The following RALYL variants were observed in gnomAD, a reference collection of about 807,000 sequenced individuals.
RALYL encodes the protein RALY RNA binding protein like, also known as RNA-binding Raly-like protein.
RALYL carries 29 observed loss-of-function variants against 35.1 expected under a neutral mutation model. That is an observed-to-expected ratio of 0.83 (90% CI 0.61 to 1.13). The LOEUF is 1.13. RALYL is among the 50% of genes most tolerant of loss of function. RALYL has a pLI of 0.00. For missense variants in RALYL, 359 were observed against 360.4 expected (o/e 1.00, Z 0.03); for synonymous variants, 120 against 127.6 (o/e 0.94, Z 0.40).
At chr8:84,897,176 G>A (rs1488048161) in intron 8 of RALYL, among the ~76,000 whole-genome samples, 1 of 152,072 alleles carries the variant, frequency 6.6e-6, no homozygotes, top group African/African-American at 2.4e-5. Context: ...TATAATGCAT[G>A]GACTGCACTT....
At chr8:84,506,437 G>A (rs1172395714) in intron 1 of RALYL, among the ~76,000 whole-genome samples, 1 of 151,820 alleles carries the variant, frequency 6.6e-6, no homozygotes, top group Non-Finnish European at 1.5e-5. Flanking sequence ...TTTGCTTTCT[G>A]TAATATAATT....
chr8:84,474,900 G>T (rs576146643), intron 1 of RALYL, among the ~76,000 whole-genome samples: 436 of 69,564 alleles, frequency 6.3e-3, no homozygotes, highest in Middle Eastern at 0.013. Flanking sequence ...CACCCTTTTT[G>T]GTTTGTTTGT....
intron 3 of RALYL, among the ~76,000 whole-genome samples, chr8:84,782,023 AC>A (rs1818286651): frequency 1.2e-5 from 1 of 83,920 alleles, no homozygotes; most frequent in Non-Finnish European, 2.4e-5. Context: ...CATGCTGTGC[AC>A]ACGCGCGCAC....
At chr8:84,452,546 A>G (rs190732419) in intron 1 of RALYL, among the ~76,000 whole-genome samples, 1 of 151,906 alleles carries the variant, frequency 6.6e-6, no homozygotes, top group Non-Finnish European at 1.5e-5. Context: ...CTGGTTATCA[A>G]TATAAGGGTG....
chr8:84,569,657 T>C (rs1225701498), intron 2 of RALYL, among the ~76,000 whole-genome samples: 5 of 151,956 alleles, frequency 3.3e-5, no homozygotes, highest in African/African-American at 1.2e-4. Flanking sequence ...ATAAATTCTT[T>C]GCCTAGGTCA....
chr8:84,395,682 G>T (rs572751883), intron 1 of RALYL, among the ~76,000 whole-genome samples: 2 of 151,746 alleles, frequency 1.3e-5, no homozygotes, highest in South Asian at 2.1e-4. Flanking sequence ...ACATGTTCAT[G>T]ATATCCTTAG....
At chr8:84,752,261 G>A (rs1464067295) in intron 2 of RALYL, among the ~76,000 whole-genome samples, 1 of 152,144 alleles carries the variant, frequency 6.6e-6, no homozygotes, top group Non-Finnish European at 1.5e-5. Context: ...TGATGACTTA[G>A]GTTATCTGGC....
rs540091632 is a variant in RALYL at position 84,874,088 on chromosome 8, T to A, written c.685+691T>A. The stretch of plus-strand genomic sequence containing the variant: ...GCCACAGTTTGAAAAGTGTGCTCTA[T>A]GAGGCTTTAGACGCCTCAGAAGCCT... On this transcript the variant is annotated intron_variant, in intron 7 of 8. Transcript: ENST00000521268. Among the ~76,000 whole-genome samples the A allele has an allele frequency of 2.0e-5, 3 of 152,288 alleles. No homozygotes were observed. The South Asian group carries it at 6.2e-4, about 32-fold the overall frequency.
intron 1 of RALYL, among the ~76,000 whole-genome samples, chr8:84,427,326 A>G (rs934967981): frequency 6.6e-6 from 1 of 152,144 alleles, no homozygotes; most frequent in Admixed American, 6.5e-5. Flanking sequence ...TCCTTTTTAG[A>G]TAACAAAACT....
chr8:84,512,925 C>G (rs1188907832), intron 1 of RALYL, among the ~76,000 whole-genome samples: 2 of 152,064 alleles, frequency 1.3e-5, no homozygotes, highest in Non-Finnish European at 2.9e-5. Context: ...TTTTGGTTAT[C>G]ATAGCCTTGG....
At chr8:84,545,428 T>C (rs1194048480) in intron 2 of RALYL, among the ~76,000 whole-genome samples, 1 of 152,182 alleles carries the variant, frequency 6.6e-6, no homozygotes, top group Non-Finnish European at 1.5e-5. Flanking sequence ...TCAAATAAAA[T>C]TTTTATTCAA....
At chr8:84,210,738 A>C (rs1819296252) in intron 1 of RALYL, among the ~76,000 whole-genome samples, 1 of 152,048 alleles carries the variant, frequency 6.6e-6, no homozygotes, top group African/African-American at 2.4e-5. Context: ...TATTTTCACC[A>C]ACTTAATTTT....
intron 1 of RALYL, among the ~76,000 whole-genome samples, chr8:84,393,521 G>T (rs1023642360): frequency 1.3e-5 from 2 of 152,032 alleles, no homozygotes; most frequent in Non-Finnish European, 2.9e-5. Context: ...AGCTACCCAA[G>T]AAAAGGGAAT....
At chr8:84,410,677 A>G (rs1191791239) in intron 1 of RALYL, among the ~76,000 whole-genome samples, 1 of 151,836 alleles carries the variant, frequency 6.6e-6, no homozygotes, top group Non-Finnish European at 1.5e-5. Flanking sequence ...TATTGACATT[A>G]TATTTTTGAG....
intron 2 of RALYL, among the ~76,000 whole-genome samples, chr8:84,549,498 TGGAAAAATGCTGA>T (rs901206802): frequency 6.6e-6 from 1 of 152,080 alleles, no homozygotes; most frequent in Non-Finnish European, 1.5e-5. Flanking sequence ...GGGCTAGAAG[TGGAAAAATGCTGA>T]GTACTGAGTC....
intron 2 of RALYL, among the ~76,000 whole-genome samples, chr8:84,651,550 A>G (rs1289765117): frequency 6.6e-6 from 1 of 152,038 alleles, no homozygotes; most frequent in Non-Finnish European, 1.5e-5. Context: ...CATAGAATAA[A>G]CACAGCATTT....
intron 1 of RALYL, among the ~76,000 whole-genome samples, chr8:84,515,498 A>G (rs1481179982): frequency 6.6e-6 from 1 of 152,186 alleles, no homozygotes; most frequent in Non-Finnish European, 1.5e-5. Context: ...AAATAACACC[A>G]TTAACAACAG....
At chr8:84,284,628 T>C (rs1243678218) in intron 1 of RALYL, among the ~76,000 whole-genome samples, 2 of 152,194 alleles carry the variant, frequency 1.3e-5, no homozygotes, top group Non-Finnish European at 2.9e-5. Flanking sequence ...AAAGGATTCA[T>C]AGACCATTGG....
intron 7 of RALYL, among the ~76,000 whole-genome samples, chr8:84,875,036 A>G (rs1473722884): frequency 3.3e-5 from 4 of 123,034 alleles, no homozygotes; most frequent in Non-Finnish European, 6.3e-5. Context: ...TTAATTAAAG[A>G]TTTCTATTAC....
Sources: gnomAD v4.1 joint callset for allele counts (sites outside exome capture counted in the v4.1 genomes callset) on GRCh38, gnomAD v4.1.1 for gene constraint, MANE v1.5 for transcripts, NCBI Gene and HGNC (gene_info 2026-07-23, HGNC 2026-07-21) for gene names.